The following TTLL5 variants were observed in gnomAD, a reference collection of about 807,000 sequenced individuals.
The protein encoded by TTLL5 is tubulin tyrosine ligase like 5, also known as tubulin polyglutamylase TTLL5.
Under a neutral mutation model 168.4 loss-of-function variants are expected in TTLL5, and 132 were observed. That is an observed-to-expected ratio of 0.78 (90% CI 0.68 to 0.91). The LOEUF is 0.91. TTLL5 is among the 40% of genes least tolerant of loss of function. The pLI is 0.00. For synonymous variants in TTLL5, 546 were observed against 558.6 expected (o/e 0.98, Z 0.32); for missense variants, 1,545 against 1,581.5 (o/e 0.98, Z 0.39).
chr14:75,661,629 T>C (rs1004625903), intron 1 of TTLL5: 4 of 151,830 alleles, frequency 2.6e-5, no homozygotes, highest in African/African-American at 9.7e-5. Flanking sequence ...GGGAGAGGAG[T>C]CTCCTTAGGT....
intron 27 of TTLL5, among the ~76,000 whole-genome samples, chr14:75,816,457 GTGT>G (rs1426657141): frequency 1.3e-5 from 2 of 152,150 alleles, no homozygotes. Flanking sequence ...CACATAGTGA[GTGT>G]TCCATAAGTG....
chr14:75,898,299 T>A (rs2032762878), intron 30 of TTLL5, among the ~76,000 whole-genome samples: 1 of 152,192 alleles, frequency 6.6e-6, no homozygotes, highest in Admixed American at 6.5e-5. Flanking sequence ...CCCGTGGGAC[T>A]TTCTTATAGC....
intron 12 of TTLL5, among the ~76,000 whole-genome samples, chr14:75,731,020 A>G (rs1477744945): frequency 6.6e-6 from 1 of 152,028 alleles, no homozygotes; most frequent in Non-Finnish European, 1.5e-5. Context: ...ACCCGGCCTC[A>G]TTCTAGGATT....
chr14:75,684,658 CT>C (rs1286451225), intron 5 of TTLL5: 2 of 152,172 alleles, frequency 1.3e-5, no homozygotes, highest in African/African-American at 2.4e-5. Context: ...CAGTTATAGC[CT>C]TACGGTCACA....
rs772710450 is a variant in TTLL5, at chr14:75,745,150, C to T, written c.1337C>T (p.Ala446Val). Residue 446 changes from alanine (A) to valine (V), a missense_variant, in exon 16 of 32, where the codon GCC (alanine) becomes GTC (valine). By Grantham distance (64) the Ala-to-Val change is moderately conservative. Coordinates refer to ENST00000298832, the MANE Select transcript of TTLL5 (RefSeq NM_015072.5). ...GAAATGAAAAACCTCGTGGGCTCAG[C>T]CCGGGAGAAAGGGCCAGGGAAGTTG... ...DAEMKNLVGS[A>V]REKGPGKLGG... is the part of the protein sequence containing the mutation. The T allele has an allele frequency of 7.4e-6, 12 of 1,613,910 alleles. No homozygotes were observed. In the South Asian group the frequency reaches 9.9e-5, roughly 13 times the overall value.
At chr14:75,738,846 C>A (rs1386200084) in intron 15 of TTLL5, among the ~76,000 whole-genome samples, 1 of 152,088 alleles carries the variant, frequency 6.6e-6, no homozygotes, top group East Asian at 1.9e-4. Context: ...ACTCCATCAC[C>A]CAGGCTGGAG....
intron 28 of TTLL5, among the ~76,000 whole-genome samples, chr14:75,847,447 C>T (rs913650525): frequency 6.6e-6 from 1 of 151,940 alleles, no homozygotes; most frequent in Non-Finnish European, 1.5e-5. Flanking sequence ...AAAACTAGAT[C>T]ATAAATAAGA....
chr14:75,858,555 A>G (rs1347686214), intron 28 of TTLL5, among the ~76,000 whole-genome samples: 2 of 152,224 alleles, frequency 1.3e-5, no homozygotes, highest in Non-Finnish European at 2.9e-5. Flanking sequence ...TAGACAAACT[A>G]GGGTTATTTG....
At chr14:75,843,785 C>T (rs175898) in intron 28 of TTLL5, among the ~76,000 whole-genome samples, 19 of 152,032 alleles carry the variant, frequency 1.2e-4, no homozygotes, top group African/African-American at 4.6e-4. Context: ...ATGGAAGCAT[C>T]TCCTTTGTTT....
chr14:75,934,134 A>G (rs1009549040), intron 31 of TTLL5, among the ~76,000 whole-genome samples: 1 of 152,234 alleles, frequency 6.6e-6, no homozygotes, highest in African/African-American at 2.4e-5. Context: ...AAGCTCCCAC[A>G]GCAGGAGCCA....
In TTLL5 at chr14:75,766,362, A is replaced by G. The variant is rs1890968727; in HGVS notation, c.2009A>G (p.Asn670Ser). The change falls in exon 20 of 32, where the codon AAT becomes AGT. Residue 670 changes from asparagine (N) to serine (S), a missense_variant. Coordinates refer to ENST00000298832, the MANE Select transcript of TTLL5 (RefSeq NM_015072.5). The part of the protein sequence containing the change: ...NLMQILQDNG[N>S]LSKMQARIAF... The stretch of plus-strand genomic sequence containing the variant: ...ATGCAGATTCTTCAAGATAATGGCA[A>G]TCTTAGGTATGTATCTTTTATAATT... 1 of 1,608,308 alleles carries G rather than the reference A, an allele frequency of 6.2e-7. No homozygotes were observed. The highest frequency in any genetic ancestry group is 8.5e-7 in the Non-Finnish European group (1 of 1,177,710).
rs1237484758 is a variant in TTLL5, at chr14:75,776,756, C to G, written c.2293C>G (p.Gln765Glu). Reference protein sequence around the residue: ...FIIVYNKETEQMAEKKSKKKV... With the variant: ...FIIVYNKETEEMAEKKSKKKV... The stretch of plus-strand genomic sequence containing the variant: ...TTTGGGCACTGGGTAGGAAACAGAA[C>G]AAATGGCTGAAAAGAAATCAAAGAA... Residue 765 changes from glutamine (Q) to glutamate (E), a missense_variant, in exon 23 of 32, where the codon CAA (glutamine) becomes GAA (glutamate). Transcript: ENST00000298832. The G allele has an allele frequency of 1.9e-6, 3 of 1,613,294 alleles. No individual in the cohort carries two copies. The South Asian group carries it at 3.3e-5, about 18-fold the overall frequency.
At chr14:75,829,128 A>G (rs1461240674) in intron 28 of TTLL5, among the ~76,000 whole-genome samples, 2 of 152,232 alleles carry the variant, frequency 1.3e-5, no homozygotes, top group Non-Finnish European at 2.9e-5. Flanking sequence ...GGAGAAATTT[A>G]TCACTCTGGC....
intron 9 of TTLL5, among the ~76,000 whole-genome samples, chr14:75,714,451 C>T (rs1266258791): frequency 6.6e-6 from 1 of 151,948 alleles, no homozygotes; most frequent in East Asian, 1.9e-4. Flanking sequence ...GTAATAGTTG[C>T]CAAATGATGA....
intron 18 of TTLL5, among the ~76,000 whole-genome samples, chr14:75,754,209 A>G (rs1181891905): frequency 1.3e-5 from 2 of 152,036 alleles, no homozygotes; most frequent in Admixed American, 6.5e-5. Flanking sequence ...TACAAGAACT[A>G]TTTTTGCTTT....
chr14:75,801,191 G>A (rs1227248664), intron 27 of TTLL5, among the ~76,000 whole-genome samples: 2 of 152,132 alleles, frequency 1.3e-5, no homozygotes, highest in African/African-American at 4.8e-5. Context: ...TCCTTGGACA[G>A]GGCTTGCTGC....
At chr14:75,925,385 CCGGG>C (rs2034004542) in intron 31 of TTLL5, among the ~76,000 whole-genome samples, 2 of 138,346 alleles carry the variant, frequency 1.4e-5, no homozygotes, top group African/African-American at 2.8e-5. Context: ...GGGGTCGCGA[CCGGG>C]CAGAGGCGCT....
In TTLL5 at chr14:75,737,776, G is replaced by C. The variant is rs577780793; in HGVS notation, c.1281+2487G>C. On this transcript the variant is annotated intron_variant, in intron 15 of 31. Transcript: ENST00000298832. ...ATGCATAGAAGTCTTTTTGGTTATA[G>C]GATATAAGAGTAGAGGATGCAGGAA... Among the ~76,000 whole-genome samples, 55 of 152,220 alleles carry C rather than the reference G, an allele frequency of 3.6e-4. 1 individual carries two copies. The South Asian group carries it at 0.011, about 31-fold the overall frequency.
chr14:75,913,010 A>T (rs2033452354), intron 31 of TTLL5, among the ~76,000 whole-genome samples: 1 of 152,222 alleles, frequency 6.6e-6, no homozygotes, highest in Admixed American at 6.5e-5. Context: ...TGTCTTAGGC[A>T]ATCCTAAATA....
Sources: gnomAD v4.1 joint callset for allele counts (sites outside exome capture counted in the v4.1 genomes callset) on GRCh38, gnomAD v4.1.1 for gene constraint, MANE v1.5 for transcripts, NCBI Gene and HGNC (gene_info 2026-07-23, HGNC 2026-07-21) for gene names.